The following PTPRG variants were observed in gnomAD, a reference collection of about 807,000 sequenced individuals.
PTPRG encodes the protein receptor-type tyrosine-protein phosphatase gamma.
Under a neutral mutation model 165.3 loss-of-function variants are expected in PTPRG, and 102 were observed. The observed-to-expected ratio is 0.62, with a 90% CI of 0.53 to 0.73. The LOEUF (loss-of-function observed/expected upper bound fraction) is 0.73, where lower values mean the gene tolerates loss of function less well. PTPRG is among the 30% of genes least tolerant of loss of function. PTPRG has a pLI of 0.00. For synonymous variants in PTPRG, 675 were observed against 669.5 expected, an observed-to-expected ratio of 1.01 and a Z score of -0.13; for missense variants, 1,866 against 1,861.4, an observed-to-expected ratio of 1.00 and a Z score of -0.05.
At chr3:61,572,224 C>T (rs143246689) in intron 1 of PTPRG, among the ~76,000 whole-genome samples, 3 of 152,244 alleles carry the variant, frequency 2.0e-5, no homozygotes, top group East Asian at 3.9e-4. Context: ...TAATGGAATG[C>T]CTATAAGCTA....
rs1008202948 is a variant in PTPRG at position 62,264,246 on chromosome 3, G to A, written c.2656+1352G>A. 3.3e-5 allele frequency: 5 copies of A among 152,342 alleles called. No homozygotes were observed. In the South Asian group the frequency reaches 8.3e-4, roughly 25 times the overall value. 9.4% of individuals were successfully genotyped at this position (152,342 alleles called of 1,614,324 possible). On this transcript the variant is annotated intron_variant, in intron 17 of 29. Transcript: ENST00000474889. ...ACGAATCACTTGAACCCAGGAGGGG[G>A]AGGTTGTTGTGAACCAAGATTGTGC... is the stretch of plus-strand genomic sequence containing the variant.
At chr3:61,595,490 T>G (rs547713963) in intron 1 of PTPRG, among the ~76,000 whole-genome samples, 1 of 152,224 alleles carries the variant, frequency 6.6e-6, no homozygotes, top group Non-Finnish European at 1.5e-5. Context: ...ATGTCAGAAC[T>G]TGGGCAAAGG....
At chr3:61,912,723 T>C (rs2038834194) in intron 2 of PTPRG, among the ~76,000 whole-genome samples, 1 of 152,230 alleles carries the variant, frequency 6.6e-6, no homozygotes, top group African/African-American at 2.4e-5. Context: ...TTGGCATTTC[T>C]TTATTCTCCA....
intron 1 of PTPRG, among the ~76,000 whole-genome samples, chr3:61,583,853 G>A (rs1451927520): frequency 1.3e-5 from 2 of 152,072 alleles, no homozygotes; most frequent in African/African-American, 4.8e-5. Flanking sequence ...GATGTCCAAG[G>A]TTCTCTCAAT....
Position 62,252,551 on chromosome 3 carries a change from GATGA to G in PTPRG, c.2468-2569_2468-2566del, listed in dbSNP as rs1701447512. On this transcript the variant is annotated intron_variant, in intron 15 of 29. Transcript: ENST00000474889. The surrounding 1 kb of genome is among the most constrained non-coding windows in gnomAD (Gnocchi z 4.6). ...ATTTAGGTGGAGATAGCATGTTTTGGATGAATGTCTTCTTAAAACACACAGGGCC... is the reference window on the plus strand; with the variant it reads ...ATTTAGGTGGAGATAGCATGTTTTGGATGTCTTCTTAAAACACACAGGGCC... Among the ~76,000 whole-genome samples the G allele has an allele frequency of 6.6e-6, 1 of 152,128 alleles. No individual in the cohort carries two copies. Among genetic ancestry groups the G allele is most frequent in the African/African-American group, 2.4e-5 (1 of 41,428 alleles).
At chr3:61,668,267 T>C (rs1232408785) in intron 1 of PTPRG, among the ~76,000 whole-genome samples, 1 of 152,202 alleles carries the variant, frequency 6.6e-6, no homozygotes, top group African/African-American at 2.4e-5. Context: ...GGTGCCATTC[T>C]CCAGTGTTAT....
intron 5 of PTPRG, among the ~76,000 whole-genome samples, chr3:62,106,450 T>G (rs1465150125): frequency 6.6e-6 from 1 of 151,818 alleles, no homozygotes; most frequent in East Asian, 1.9e-4. Flanking sequence ...AATAGATAAT[T>G]GTCTTATAGT....
chr3:61,838,846 A>G (rs2036542135), intron 2 of PTPRG, among the ~76,000 whole-genome samples: 1 of 152,204 alleles, frequency 6.6e-6, no homozygotes, highest in South Asian at 2.1e-4. Context: ...AATTGATAGC[A>G]TGTTATTAGT....
chr3:62,226,748 C>T (rs975422993), intron 13 of PTPRG, among the ~76,000 whole-genome samples: 2 of 152,218 alleles, frequency 1.3e-5, no homozygotes, highest in Non-Finnish European at 2.9e-5. Flanking sequence ...GGATTTCACA[C>T]TCTGATCTGG....
chr3:61,562,247 T>C lies in PTPRG; in HGVS notation c.-41T>C. 1.3e-6 allele frequency: 2 copies of C among 1,582,150 alleles called. No individual in the cohort carries two copies. The highest frequency in any genetic ancestry group is 1.7e-6 in the Non-Finnish European group (2 of 1,151,150). ...GGAGGCAAGAACTTATTCAACAAGT[T>C]TACCTCCCTGCTTTCCTCTTTTCGA... On this transcript the variant is annotated 5_prime_UTR_variant, in exon 1 of 30. Coordinates refer to ENST00000474889, the MANE Select transcript of PTPRG (RefSeq NM_002841.4).
chr3:62,019,757 T>G (rs1039028222), intron 4 of PTPRG, among the ~76,000 whole-genome samples: 1 of 152,182 alleles, frequency 6.6e-6, no homozygotes, highest in Non-Finnish European at 1.5e-5. Context: ...ATGCCATGAA[T>G]GTGTACAATT....
At chr3:61,625,981 A>G (rs559768393) in intron 1 of PTPRG, among the ~76,000 whole-genome samples, 27 of 151,952 alleles carry the variant, frequency 1.8e-4, no homozygotes, top group Non-Finnish European at 3.4e-4. Flanking sequence ...CATTAAATAA[A>G]TAACTTTCCT....
intron 26 of PTPRG, among the ~76,000 whole-genome samples, chr3:62,279,077 C>T (rs1304039895): frequency 1.3e-5 from 2 of 152,002 alleles, no homozygotes; most frequent in Non-Finnish European, 2.9e-5. Context: ...TACAACTGAC[C>T]TCTCAGTTCT....
Position 61,749,468 on chromosome 3 carries a change from T to C in PTPRG, c.190+486T>C. ...GAATATATTTTAGCTGTCTACTCGA[T>C]GGTAATCTGCAGTCCTTTTCATTTT... On this transcript the variant is annotated intron_variant, in intron 2 of 29. Coordinates refer to ENST00000474889, the MANE Select transcript of PTPRG (RefSeq NM_002841.4). 2 of 250,390 alleles carry C rather than the reference T, an allele frequency of 8.0e-6. 1 individual carries two copies. Among genetic ancestry groups the C allele is most frequent in the South Asian group, 8.3e-5 (2 of 24,038 alleles). The allele number at this position is 250,390 out of a possible 1,614,324, so 15.5% of individuals were successfully genotyped here. A position where few individuals can be genotyped will look rare whatever the true frequency, so the allele number is the denominator to read the frequency against.
chr3:61,722,103 G>A (rs763047262), intron 1 of PTPRG, among the ~76,000 whole-genome samples: 3 of 152,066 alleles, frequency 2.0e-5, no homozygotes, highest in Non-Finnish European at 4.4e-5. Flanking sequence ...GAAATTTATT[G>A]TCTTATGGTT....
At chr3:61,989,946 AG>A (rs1386137021) in intron 3 of PTPRG, 142 bp downstream of exon 3, 2 of 843,694 alleles carry the variant, frequency 2.4e-6, no homozygotes, top group African/African-American at 3.4e-5. Context: ...TTTCAGAACA[AG>A]TTATGTAACT....
At chr3:61,644,046 T>C (rs1280933797) in intron 1 of PTPRG, among the ~76,000 whole-genome samples, 1 of 152,212 alleles carries the variant, frequency 6.6e-6, no homozygotes, top group Admixed American at 6.5e-5. Flanking sequence ...ACATTTAAAT[T>C]ATACAGTGCA....
At chr3:62,067,801 G>T (rs1701067821) in intron 4 of PTPRG, among the ~76,000 whole-genome samples, 1 of 152,170 alleles carries the variant, frequency 6.6e-6, no homozygotes, top group South Asian at 2.1e-4. Context: ...AGGAGCAGCT[G>T]TAAATACAGA....
chr3:62,259,254 A>G (rs541421175), intron 16 of PTPRG, among the ~76,000 whole-genome samples: 1 of 152,348 alleles, frequency 6.6e-6, no homozygotes, highest in South Asian at 2.1e-4. Flanking sequence ...TCAGAGGTGT[A>G]ATGCTGCACC....
Sources: allele counts gnomAD v4.1 joint callset (sites outside exome capture counted in the v4.1 genomes callset), GRCh38; gene constraint gnomAD v4.1.1; non-coding constraint Gnocchi (gnomAD v3.1); transcripts MANE v1.5; gene names NCBI Gene and HGNC (gene_info 2026-07-23, HGNC 2026-07-21).